ROBO2: variants seen among roughly 807,000 people sequenced by gnomAD.
The protein encoded by ROBO2 is roundabout guidance receptor 2.
ROBO2 carries 53 observed loss-of-function variants against 160.8 expected under a neutral mutation model. The observed-to-expected ratio is 0.33, with a 90% CI of 0.26 to 0.41. ROBO2 has a LOEUF of 0.41. Among genes scored for constraint, ROBO2 ranks in the 10% least tolerant of loss-of-function variants. The pLI is 1.00. For synonymous variants in ROBO2, 664 were observed against 611.7 expected (o/e 1.09, Z -1.26); for missense variants, 1,577 against 1,722.4 (o/e 0.92, Z 1.49).
At chr3:77,174,235 C>A (rs1457126597) in intron 2 of ROBO2, among the ~76,000 whole-genome samples, 1 of 151,862 alleles carries the variant, frequency 6.6e-6, no homozygotes, top group Non-Finnish European at 1.5e-5. Context: ...TAAGAAAATT[C>A]TTCTAATCCG....
intron 2 of ROBO2, among the ~76,000 whole-genome samples, chr3:75,971,737 C>A (rs2065000930): frequency 6.6e-6 from 1 of 151,380 alleles, no homozygotes; most frequent in African/African-American, 2.4e-5. Flanking sequence ...GGCAATACAG[C>A]ATGTATACAC....
intron 2 of ROBO2, among the ~76,000 whole-genome samples, chr3:76,165,911 G>A (rs368846848): frequency 2.0e-5 from 3 of 152,090 alleles, no homozygotes; most frequent in Non-Finnish European, 2.9e-5. Context: ...CAGTGGAATA[G>A]TTAGAACACA....
In ROBO2 at chr3:77,207,121, G is replaced by A. The variant is rs116270530; in HGVS notation, c.388+108781G>A. On this transcript the variant is annotated intron_variant, in intron 2 of 25. Coordinates refer to ENST00000461745, the Ensembl canonical transcript of ROBO2. ...TAATTGAATTGATTTATTTGGCAAC[G>A]CAAACTATAGTTATAAATAATATAA... 4.4e-3 allele frequency among the ~76,000 whole-genome samples: 672 copies of A among 152,180 alleles called. 4 individuals are homozygous for A. Among genetic ancestry groups the A allele is most frequent in the African/African-American group, 0.015 (612 of 41,520 alleles).
chr3:77,113,874 G>A (rs1239651533), intron 2 of ROBO2, among the ~76,000 whole-genome samples: 1 of 152,192 alleles, frequency 6.6e-6, no homozygotes, highest in African/African-American at 2.4e-5. Flanking sequence ...GATGAATCAG[G>A]TCATGATAGA....
Position 77,323,103 on chromosome 3 carries a change from T to A in ROBO2, c.389-154311T>A, listed in dbSNP as rs182253217. Among the ~76,000 whole-genome samples the A allele has an allele frequency of 4.2e-3, 400 of 94,886 alleles. 3 individuals carry two copies. The highest frequency in any genetic ancestry group is 6.4e-3 in the Non-Finnish European group (274 of 42,828). The allele number at this position is 94,886 out of a possible 152,430, so 62.2% of individuals were successfully genotyped here. On this transcript the variant is annotated intron_variant, in intron 2 of 25. Transcript: ENST00000461745. ...TATAATATATTATGTATGTTAATAC[T>A]ATGTAACATATATATTACAATTATA...
rs567938159 is a variant in ROBO2 at position 76,878,602 on chromosome 3, T to C, written c.110-219412T>C. Among the ~76,000 whole-genome samples, 249 of 152,012 alleles carry C rather than the reference T, an allele frequency of 1.6e-3. 1 individual carries two copies. The highest frequency in any genetic ancestry group is 5.8e-3 in the African/African-American group (240 of 41,304). ...TGACCTAAGACCAATATGAAAATTG[T>C]GTACCAAGATTACCAAGTAAATTTT... On this transcript the variant is annotated intron_variant, in intron 2 of 26. Coordinates refer to the ROBO2 transcript ENST00000487694.
At chr3:76,834,767 A>G (rs901733215) in intron 2 of ROBO2, among the ~76,000 whole-genome samples, 2 of 152,192 alleles carry the variant, frequency 1.3e-5, no homozygotes, top group African/African-American at 4.8e-5. Context: ...GGATTACAGA[A>G]TTTAAGGAGT....
intron 2 of ROBO2, among the ~76,000 whole-genome samples, chr3:76,305,616 G>T (rs2071306254): frequency 6.6e-6 from 1 of 151,176 alleles, no homozygotes; most frequent in South Asian, 2.1e-4. Context: ...AAAATTAGCT[G>T]GGTGTGGTGG....
chr3:77,368,420 T>C (rs1052615442), intron 2 of ROBO2, among the ~76,000 whole-genome samples: 6 of 152,156 alleles, frequency 3.9e-5, no homozygotes, highest in Admixed American at 6.6e-5. Context: ...TTGGGAATCA[T>C]GTCTGTGACA....
intron 2 of ROBO2, among the ~76,000 whole-genome samples, chr3:75,977,894 T>G (rs2065173767): frequency 6.6e-6 from 1 of 151,564 alleles, no homozygotes; most frequent in Non-Finnish European, 1.5e-5. Context: ...AGTAAATTAT[T>G]ATTGCTTTAA....
intron 1 of ROBO2, among the ~76,000 whole-genome samples, chr3:77,065,338 A>T (rs1183507899): frequency 6.6e-6 from 1 of 152,220 alleles, no homozygotes; most frequent in Admixed American, 6.5e-5. Context: ...TTATGGAAAT[A>T]AATTTTGTCT....
chr3:77,280,643 A>G (rs542126704), intron 2 of ROBO2, among the ~76,000 whole-genome samples: 1 of 150,586 alleles, frequency 6.6e-6, no homozygotes, highest in East Asian at 1.9e-4. Flanking sequence ...TAAGGTCATT[A>G]CATGGTCTCA....
At chr3:77,314,935 A>G (rs2063847622) in intron 2 of ROBO2, among the ~76,000 whole-genome samples, 1 of 152,134 alleles carries the variant, frequency 6.6e-6, no homozygotes, top group Non-Finnish European at 1.5e-5. Context: ...CTTTACAACA[A>G]TTTTCAAATG....
intron 2 of ROBO2, among the ~76,000 whole-genome samples, chr3:76,584,823 A>G (rs542901325): frequency 1.1e-3 from 167 of 152,304 alleles, no homozygotes; most frequent in Non-Finnish European, 2.1e-3. Flanking sequence ...TCTGTCTTCT[A>G]CCATTCACAT....
intron 1 of ROBO2, among the ~76,000 whole-genome samples, chr3:77,075,905 G>A (rs1213573266): frequency 2.0e-5 from 3 of 151,124 alleles, no homozygotes; most frequent in South Asian, 2.1e-4. Context: ...TTCAAACTCC[G>A]GACCTCAAAT....
At chr3:77,362,117 C>T (rs1560623529) in intron 2 of ROBO2, among the ~76,000 whole-genome samples, 1 of 152,062 alleles carries the variant, frequency 6.6e-6, no homozygotes. Flanking sequence ...GAAAGTCAGG[C>T]AAGATTTCCC....
chr3:77,588,369 AC>A (rs1190232527), intron 16 of ROBO2, among the ~76,000 whole-genome samples: 1 of 152,128 alleles, frequency 6.6e-6, no homozygotes, highest in Non-Finnish European at 1.5e-5. Context: ...ATTTGCAAAT[AC>A]CCCATGTTAA....
In ROBO2 at chr3:76,125,927, A is replaced by T. The variant is rs2070963530; in HGVS notation, c.109+188325A>T. 2.0e-5 allele frequency among the ~76,000 whole-genome samples: 3 copies of T among 152,100 alleles called. No individual in the cohort carries two copies. The South Asian group carries it at 6.2e-4, about 32-fold the overall frequency. On this transcript the variant is annotated intron_variant, in intron 2 of 26. Transcript: ENST00000487694. ...CTGCAACCTCCGCTTCCTGGATTCA[A>T]GCAATTCTCCTGTCTCAGCCTCCCA...
chr3:77,214,046 G>T (rs969406329), intron 2 of ROBO2, among the ~76,000 whole-genome samples: 1 of 152,146 alleles, frequency 6.6e-6, no homozygotes, highest in Non-Finnish European at 1.5e-5. Flanking sequence ...TGAAAAGAAT[G>T]TATATTCTGT....
Sources: gnomAD v4.1 joint callset for allele counts (sites outside exome capture counted in the v4.1 genomes callset) on GRCh38, gnomAD v4.1.1 for gene constraint, MANE v1.5 for transcripts, NCBI Gene and HGNC (gene_info 2026-07-23, HGNC 2026-07-21) for gene names.